The following HADHB variants were observed in gnomAD, a reference collection of about 807,000 sequenced individuals.
The protein encoded by HADHB is hydroxyacyl-CoA dehydrogenase trifunctional multienzyme complex subunit beta, also known as trifunctional enzyme subunit beta, mitochondrial.
A neutral mutation model predicts 61.9 loss-of-function variants in HADHB; 50 were observed. The observed-to-expected ratio is 0.81, with a 90% CI of 0.64 to 1.02. The LOEUF (loss-of-function observed/expected upper bound fraction) is 1.02. Ranked by LOEUF, HADHB falls within the 50% of genes least tolerant of loss-of-function variation. HADHB has a pLI of 0.00. For synonymous variants in HADHB, 191 were observed against 201.6 expected, an observed-to-expected ratio of 0.95 and a Z score of 0.45; for missense variants, 504 against 586.5, an observed-to-expected ratio of 0.86 and a Z score of 1.45.
chr2:26,249,181 C>T (rs1671287519), intron 1 of HADHB, among the ~76,000 whole-genome samples: 1 of 152,026 alleles, frequency 6.6e-6, no homozygotes, highest in Non-Finnish European at 1.5e-5. Context: ...GGTCATGTAT[C>T]AGGAAGGAGT....
At position 26,273,770 on chromosome 2, in the gene HADHB, T is replaced by C. The variant is rs371125387; in HGVS notation, c.354+20T>C. The C allele has an allele frequency of 4.1e-6, 5 of 1,226,838 alleles. No individual in the cohort carries two copies. The South Asian group carries it at 6.0e-5, about 15-fold the overall frequency. The allele number at this position is 1,226,838 out of a possible 1,614,324, so 76.0% of individuals were successfully genotyped here. ...AGAGAGGTGAGTAAAACAAACTTTA[T>C]GTTGTTTAAAGAGTGATAGGAGAAT... On this transcript the variant is annotated intron_variant, in intron 6 of 15. Coordinates refer to ENST00000317799, the MANE Select transcript of HADHB (RefSeq NM_000183.3).
In HADHB at chr2:26,254,421, G is replaced by A. The variant is rs1671529598; in HGVS notation, c.65-9G>A. 2 of 1,600,428 alleles carry A rather than the reference G, an allele frequency of 1.2e-6. No homozygotes were observed. The highest frequency in any genetic ancestry group is 1.1e-5 in the South Asian group (1 of 90,804). ...TTGCTTTTTGTAAACAGTTTATTTT[G>A]TCTTCCAGCCATAAGACCTCTGAGC... On this transcript the variant is annotated splice_polypyrimidine_tract_variant and intron_variant, in intron 2 of 15. Transcript: ENST00000317799.
At chr2:26,286,818 T>TG (rs1673053702) in intron 15 of HADHB, among the ~76,000 whole-genome samples, 1 of 151,038 alleles carries the variant, frequency 6.6e-6, no homozygotes, top group African/African-American at 2.4e-5. Context: ...TTTTTGTTTT[T>TG]TTTTTTTTTT....
intron 15 of HADHB, among the ~76,000 whole-genome samples, chr2:26,286,502 T>TTTTG (rs1673038247): frequency 6.6e-6 from 1 of 152,072 alleles, no homozygotes; most frequent in East Asian, 1.9e-4. Context: ...GTAGTTTGTT[T>TTTTG]TTTGTTTGTT....
At chr2:26,251,787 A>G (rs1357433086) in intron 1 of HADHB, among the ~76,000 whole-genome samples, 3 of 151,956 alleles carry the variant, frequency 2.0e-5, no homozygotes, top group Non-Finnish European at 2.9e-5. Flanking sequence ...AAGCTATAGG[A>G]CCTCCTTCTT....
intron 3 of HADHB, chr2:26,260,857 T>C: frequency 3.3e-6 from 2 of 608,446 alleles, no homozygotes; most frequent in South Asian, 4.0e-5. Context: ...CTGGCTTATT[T>C]GCTCACTTAT....
At chr2:26,285,123 A>G (rs187682027) in intron 14 of HADHB, among the ~76,000 whole-genome samples, 166 bp downstream of exon 14, 17 of 152,270 alleles carry the variant, frequency 1.1e-4, no homozygotes, top group Admixed American at 1.1e-3. Context: ...AAATTCTTGT[A>G]TTTCATTAAA....
At chr2:26,273,925 A>C (rs544353948) in intron 6 of HADHB, among the ~76,000 whole-genome samples, 175 bp downstream of exon 6, 2 of 152,376 alleles carry the variant, frequency 1.3e-5, no homozygotes, top group African/African-American at 4.8e-5. Flanking sequence ...ATTCTAATAT[A>C]AATCAAATGA....
intron 12 of HADHB, among the ~76,000 whole-genome samples, chr2:26,283,537 A>T (rs1486421589): frequency 6.6e-6 from 1 of 152,174 alleles, no homozygotes; most frequent in Non-Finnish European, 1.5e-5. Context: ...AAAATAAATA[A>T]ATAAATAAAA....
intron 1 of HADHB, among the ~76,000 whole-genome samples, chr2:26,253,577 G>T (rs1279719355): frequency 6.6e-6 from 1 of 152,090 alleles, no homozygotes; most frequent in Non-Finnish European, 1.5e-5. Context: ...TCTGGGCCTG[G>T]TGCGGTAGCT....
At chr2:26,280,141 A>C in intron 10 of HADHB, 26 bp downstream of exon 10, 4 of 1,591,204 alleles carry the variant, frequency 2.5e-6, no homozygotes, top group Non-Finnish European at 3.5e-6. Context: ...ATTTGTATTT[A>C]GTAGTGACTT....
intron 4 of HADHB, among the ~76,000 whole-genome samples, chr2:26,266,651 G>A (rs1355721867): frequency 5.9e-5 from 9 of 151,778 alleles, no homozygotes; most frequent in South Asian, 4.2e-4. Context: ...AGGCTGAGGC[G>A]GGCGGATCAC....
chr2:26,289,245 C>G (rs576648212), intron 15 of HADHB, among the ~76,000 whole-genome samples: 1 of 152,018 alleles, frequency 6.6e-6, no homozygotes, highest in Admixed American at 6.6e-5. Flanking sequence ...GAGGCACGGT[C>G]TCCAAAATAA....
intron 4 of HADHB, among the ~76,000 whole-genome samples, chr2:26,266,652 G>A (rs1402526193): frequency 1.3e-5 from 2 of 151,884 alleles, no homozygotes; most frequent in Non-Finnish European, 2.9e-5. Flanking sequence ...GGCTGAGGCG[G>A]GCGGATCACC....
chr2:26,251,166 T>G (rs1277166209), intron 1 of HADHB, among the ~76,000 whole-genome samples: 1 of 151,590 alleles, frequency 6.6e-6, no homozygotes, highest in Non-Finnish European at 1.5e-5. Context: ...CTGTTTTAAT[T>G]ATTGGTTCTT....
chr2:26,289,768 A>C, intron 15 of HADHB, 150 bp from the exon 16 acceptor site: 1 of 741,398 alleles, frequency 1.3e-6, no homozygotes. Context: ...GTTTAGACTG[A>C]CTACAAACTT....
At chr2:26,253,047 G>A (rs905629499) in intron 1 of HADHB, among the ~76,000 whole-genome samples, 13 of 152,186 alleles carry the variant, frequency 8.5e-5, no homozygotes, top group African/African-American at 3.1e-4. Context: ...CTTCTTATGA[G>A]TGAAATTGAA....
chr2:26,269,893 T>C (rs531007012), intron 4 of HADHB, 60 bp from the exon 5 acceptor site: 35 of 1,095,190 alleles, frequency 3.2e-5, no homozygotes, highest in Non-Finnish European at 2.8e-6. Context: ...TCAAATAGAA[T>C]GAAAATTTTT....
chr2:26,281,124 T>C (rs1672770155), intron 10 of HADHB, among the ~76,000 whole-genome samples: 1 of 150,470 alleles, frequency 6.6e-6, no homozygotes, highest in Non-Finnish European at 1.5e-5. Context: ...ACTGTTTGTT[T>C]TGTGTTTTTT....
Sources: allele counts gnomAD v4.1 joint callset (sites outside exome capture counted in the v4.1 genomes callset), GRCh38; gene constraint gnomAD v4.1.1; transcripts MANE v1.5; gene names NCBI Gene and HGNC (gene_info 2026-07-23, HGNC 2026-07-21).